CCDC93: variants seen among roughly 807,000 people sequenced by gnomAD.
CCDC93 encodes the protein CCC complex scaffolding subunit CCDC93, also known as coiled-coil domain-containing protein 93.
A neutral mutation model predicts 108.2 loss-of-function variants in CCDC93; 61 were observed. That is an observed-to-expected ratio of 0.56 (90% confidence interval 0.46 to 0.70). The LOEUF is 0.70. CCDC93 is among the 30% of genes least tolerant of loss of function. CCDC93 has a pLI of 0.00. For missense variants in CCDC93, 685 were observed against 764.2 expected (o/e 0.90, Z 1.22); for synonymous variants, 276 against 260.4 (o/e 1.06, Z -0.58).
At chr2:117,924,976 A>G (rs909695170) in intron 23 of CCDC93, among the ~76,000 whole-genome samples, 2 of 152,236 alleles carry the variant, frequency 1.3e-5, no homozygotes, top group Non-Finnish European at 2.9e-5. Context: ...AATATTCAAC[A>G]TTCCTAAAGA....
chr2:117,939,840 G>T (rs1291652561), intron 19 of CCDC93, among the ~76,000 whole-genome samples: 1 of 152,170 alleles, frequency 6.6e-6, no homozygotes, highest in Non-Finnish European at 1.5e-5. Context: ...AGTGGGAATT[G>T]TAGGATAATG....
intron 3 of CCDC93, among the ~76,000 whole-genome samples, chr2:118,003,295 T>A (rs1002440984): frequency 1.3e-5 from 2 of 152,218 alleles, no homozygotes; most frequent in African/African-American, 2.4e-5. Context: ...AAGCTTTTTT[T>A]AAAATTTTGA....
chr2:117,982,063 G>T (rs534644904), intron 7 of CCDC93, among the ~76,000 whole-genome samples: 56 of 152,252 alleles, frequency 3.7e-4, no homozygotes, highest in Non-Finnish European at 6.3e-4. Context: ...AACAGGTTGG[G>T]AGAGGTATGC....
At chr2:117,971,235 C>A (rs887519815) in intron 11 of CCDC93, among the ~76,000 whole-genome samples, 1 of 151,966 alleles carries the variant, frequency 6.6e-6, no homozygotes, top group East Asian at 1.9e-4. Flanking sequence ...TGGTGGTATG[C>A]GCCTGCAGTC....
chr2:117,971,726 GCACT>G (rs1679768541), intron 11 of CCDC93, among the ~76,000 whole-genome samples: 1 of 152,188 alleles, frequency 6.6e-6, no homozygotes. Context: ...TTTAATCACT[GCACT>G]CACTCACTGT....
At chr2:117,978,398 C>T (rs986120513) in intron 7 of CCDC93, among the ~76,000 whole-genome samples, 1 of 152,108 alleles carries the variant, frequency 6.6e-6, no homozygotes, top group African/African-American at 2.4e-5. Context: ...TTCCTTAAGC[C>T]AAATATGCGC....
At chr2:118,010,424 T>C (rs1160798501) in intron 1 of CCDC93, among the ~76,000 whole-genome samples, 1 of 152,198 alleles carries the variant, frequency 6.6e-6, no homozygotes, top group Non-Finnish European at 1.5e-5. Context: ...CATCTCTCTA[T>C]ATAAAACACC....
At chr2:117,933,885 T>C (rs1362730684) in intron 22 of CCDC93, 2 of 151,972 alleles carry the variant, frequency 1.3e-5, no homozygotes, top group Non-Finnish European at 2.9e-5. Flanking sequence ...GGCCTAACCA[T>C]GGGTTAGGTG....
chr2:117,977,637 C>T (rs868237971), intron 8 of CCDC93, among the ~76,000 whole-genome samples: 1 of 152,200 alleles, frequency 6.6e-6, no homozygotes, highest in Non-Finnish European at 1.5e-5. Flanking sequence ...TGTGCTCTAC[C>T]TAACATCCTG....
chr2:117,975,088 G>T, intron 9 of CCDC93, 100 bp downstream of exon 9: 1 of 1,107,082 alleles, frequency 9.0e-7, no homozygotes. Flanking sequence ...GCAGCTGGCT[G>T]TGGGAGGTGG....
intron 21 of CCDC93, chr2:117,935,794 G>T (rs539601711): frequency 5.0e-6 from 2 of 400,206 alleles, no homozygotes; most frequent in South Asian, 9.1e-5. Flanking sequence ...TCTTATAATT[G>T]CATGTTAATC....
At chr2:117,963,060 A>T (rs1042863127) in intron 11 of CCDC93, among the ~76,000 whole-genome samples, 10 of 152,190 alleles carry the variant, frequency 6.6e-5, no homozygotes, top group African/African-American at 2.4e-4. Context: ...GCAGAAGCAA[A>T]AGCAGATCTT....
intron 11 of CCDC93, among the ~76,000 whole-genome samples, chr2:117,970,833 T>A (rs1043275696): frequency 2.0e-5 from 3 of 152,108 alleles, no homozygotes; most frequent in African/African-American, 7.2e-5. Flanking sequence ...GCTGGAAATA[T>A]TGGGGGCATA....
At chr2:117,978,969 C>G (rs1352440982) in intron 7 of CCDC93, among the ~76,000 whole-genome samples, 3 of 152,188 alleles carry the variant, frequency 2.0e-5, no homozygotes, top group Non-Finnish European at 4.4e-5. Flanking sequence ...GATCATAGCA[C>G]TGGACTCCAG....
chr2:117,978,011 G>A lies in CCDC93; in HGVS notation c.640C>T (p.Gln214Ter), dbSNP rs1679997315. The A allele has an allele frequency of 6.2e-7, 1 of 1,613,622 alleles. No individual in the cohort carries two copies. Among genetic ancestry groups the A allele is most frequent in the Non-Finnish European group, 8.5e-7 (1 of 1,179,740 alleles). The change falls in exon 8 of 24, where the codon CAG (glutamine) becomes TAG (stop). Residue 214 changes from glutamine (Q) to a stop codon, truncating the protein, a stop_gained. Transcript: ENST00000376300. LOFTEE classifies it high-confidence loss of function. ...TTTCTTACCTTCTCCATTTTGCTCT[G>A]GCGGCTAAATCCATATCTCCTGCAG... Reference protein sequence around the residue: ...EYGRRYGFSRQSKMEKAEDKK... With the variant: ...EYGRRYGFSR
Position 117,994,230 on chromosome 2 carries a change from C to T in CCDC93, c.519+1216G>A, listed in dbSNP as rs556899531. Among the ~76,000 whole-genome samples the T allele has an allele frequency of 3.9e-5, 6 of 152,312 alleles. No individual in the cohort carries two copies. The South Asian group carries it at 1.2e-3, about 32-fold the overall frequency. The stretch of plus-strand genomic sequence containing the variant: ...AATCAACTTTAATTTAATTCCCCTA[C>T]ATCTATCAATCTTTTTAAAAACTTG... On this transcript the variant is annotated intron_variant, in intron 6 of 23. Coordinates refer to ENST00000376300, the MANE Select transcript of CCDC93 (RefSeq NM_019044.5).
chr2:117,939,318 C>A (rs1394651090), intron 19 of CCDC93, among the ~76,000 whole-genome samples: 1 of 152,128 alleles, frequency 6.6e-6, no homozygotes, highest in Non-Finnish European at 1.5e-5. Context: ...AAGGTGGGAC[C>A]CAGGTGGTGA....
intron 20 of CCDC93, among the ~76,000 whole-genome samples, chr2:117,938,118 T>C (rs1425195089): frequency 6.6e-6 from 1 of 152,242 alleles, no homozygotes; most frequent in Admixed American, 6.5e-5. Flanking sequence ...GAATCCACCA[T>C]GTGTAAGGAA....
At chr2:117,950,835 T>C in intron 13 of CCDC93, 2 of 985,454 alleles carry the variant, frequency 2.0e-6, no homozygotes, top group Non-Finnish European at 2.4e-6. Context: ...GAGAGGGCTC[T>C]GATGCCAGGC....
Sources: gnomAD v4.1 joint callset for allele counts (sites outside exome capture counted in the v4.1 genomes callset) on GRCh38, gnomAD v4.1.1 for gene constraint, MANE v1.5 for transcripts, NCBI Gene and HGNC (gene_info 2026-07-23, HGNC 2026-07-21) for gene names.